The following PRX variants were observed in gnomAD, a reference collection of about 807,000 sequenced individuals.
PRX encodes periaxin.
PRX carries 24 observed loss-of-function variants against 29.6 expected under a neutral mutation model. That is an observed-to-expected ratio of 0.81 (90% CI 0.59 to 1.14). The LOEUF is 1.14. Among genes scored for constraint, PRX ranks in the 50% most tolerant of loss-of-function variants. The pLI is 0.00. For missense variants in PRX, 1,838 were observed against 1,926.4 expected (o/e 0.95, Z 0.86); for synonymous variants, 772 against 831.7 (o/e 0.93, Z 1.24).
At chr19:40,407,278 T>C (rs1283258392) in intron 4 of PRX, among the ~76,000 whole-genome samples, 1 of 150,148 alleles carries the variant, frequency 6.7e-6, no homozygotes, top group African/African-American at 2.5e-5. Context: ...TTTTTTTTTT[T>C]CTTTGTTTTT....
Position 40,399,850 on chromosome 19 carries a change from C to CCTTTCTTTCTTTCTTTCTTTCTTT in PRX, c.185-1058_185-1035dup, listed in dbSNP as rs59315819. 2.8e-3 allele frequency among the ~76,000 whole-genome samples: 332 copies of CCTTTCTTTCTTTCTTTCTTTCTTT among 119,718 alleles called. 2 individuals are homozygous for CCTTTCTTTCTTTCTTTCTTTCTTT. Among genetic ancestry groups the CCTTTCTTTCTTTCTTTCTTTCTTT allele is most frequent in the East Asian group, 9.0e-3 (34 of 3,786 alleles). The allele number at this position is 119,718 out of a possible 152,430, so 78.5% of individuals were successfully genotyped here. On this transcript the variant is annotated intron_variant, in intron 5 of 6. Transcript: ENST00000324001. ...TGAGCCACTACACCCAGCTTTCTTTCCTTTCTTTCTTTCTTTCTTTCTTTC... is the reference window on the plus strand; with the variant it reads ...TGAGCCACTACACCCAGCTTTCTTTCCTTTCTTTCTTTCTTTCTTTCTTTCTTTCTTTCTTTCTTTCTTTCTTTC...
intron 3 of PRX, 53 bp downstream of exon 3, chr19:40,408,105 G>T: frequency 1.2e-6 from 1 of 838,394 alleles, no homozygotes; most frequent in Non-Finnish European, 1.9e-6. Flanking sequence ...CAGGGAGAAA[G>T]CAGGGTGGGT....
rs752060706 is a variant in PRX at position 40,394,187 on chromosome 19, C to T, written c.4165G>A (p.Ala1389Thr). 17 of 1,590,176 alleles carry T rather than the reference C, an allele frequency of 1.1e-5. No individual in the cohort carries two copies. The highest frequency in any genetic ancestry group is 1.5e-5 in the Non-Finnish European group (17 of 1,165,692). The change falls in exon 7 of 7, where the codon GCC becomes ACC. Residue 1389 changes from alanine (A) to threonine (T), a missense_variant. Physicochemically the swap from Ala to Thr is moderately conservative, Grantham distance 58. Coordinates refer to ENST00000324001, the MANE Select transcript of PRX (RefSeq NM_181882.3). This position sits in a 1 kb window ranked among gnomAD's most constrained non-coding sequence, Gnocchi z 5.8. Reference protein sequence around the residue: ...PRVGLAAPSKASRGQEGDAAP... With the variant: ...PRVGLAAPSKTSRGQEGDAAP... ...GCATCGCCCTCCTGCCCCCGAGAGG[C>T]TTTAGAAGGGGCCGCCAGGCCTACA...
In PRX at chr19:40,393,823, A is replaced by G; in HGVS notation, c.*143T>C. The G allele has an allele frequency of 8.0e-7, 1 of 1,247,996 alleles. No individual in the cohort carries two copies. 77.3% of individuals were successfully genotyped at this position (1,247,996 alleles called of 1,614,324 possible). A position where few individuals can be genotyped will look rare whatever the true frequency, so the allele number is the denominator to read the frequency against. On this transcript the variant is annotated 3_prime_UTR_variant, in exon 7 of 7. Coordinates refer to ENST00000324001, the MANE Select transcript of PRX (RefSeq NM_181882.3). Reference sequence around the variant, plus strand: ...GGTGGGGTACAGGCACTCCTGCCAGAGAGACAGGAGCAGGCCTCCCTGCCA... The same window carrying G: ...GGTGGGGTACAGGCACTCCTGCCAGGGAGACAGGAGCAGGCCTCCCTGCCA...
rs761267361 is a variant in PRX, at chr19:40,395,292, C to A, written c.3060G>T (p.Arg1020Ser). 3.1e-6 allele frequency: 5 copies of A among 1,613,642 alleles called. No homozygotes were observed. Among genetic ancestry groups the A allele is most frequent in the Admixed American group, 3.3e-5 (2 of 60,000 alleles). ...TGACCCCAAACTTGGGGAGAGCAAA[C>A]CTGGGCCCCTTGAACTTGAGGTCGG... The part of the protein sequence containing the change: ...AGADLKFKGP[R>S]FALPKFGVRG... The change falls in exon 7 of 7, where the codon AGG becomes AGT. Residue 1020 changes from arginine to serine, a missense_variant. Physicochemically the swap from Arg to Ser is moderately radical, Grantham distance 110. Transcript: ENST00000324001.
chr19:40,401,378 A>G (rs530343956), intron 5 of PRX, among the ~76,000 whole-genome samples: 1 of 152,048 alleles, frequency 6.6e-6, no homozygotes, highest in African/African-American at 2.4e-5. Flanking sequence ...TTGCAGCTTC[A>G]GTCTCCTGGG....
chr19:40,398,390 T>A lies in PRX; in HGVS notation c.381+230A>T, dbSNP rs2079462534. 10 of 1,452,620 alleles carry A rather than the reference T, an allele frequency of 6.9e-6. No individual in the cohort carries two copies. In the South Asian group the frequency reaches 1.5e-4, roughly 21 times the overall value. 90.0% of individuals were successfully genotyped at this position (1,452,620 alleles called of 1,614,324 possible). A position where few individuals can be genotyped will look rare whatever the true frequency, so the allele number is the denominator to read the frequency against. The stretch of plus-strand genomic sequence containing the variant: ...GGACCCCTAGCAAGCCTGGATCCGA[T>A]GGTGGGGACGCCTCTCCGAGGTGGG... On this transcript the variant is annotated intron_variant, in intron 6 of 6. Coordinates refer to ENST00000324001, the MANE Select transcript of PRX (RefSeq NM_181882.3). The surrounding 1 kb of genome is among the most constrained non-coding windows in gnomAD (Gnocchi z 6.3).
intron 1 of PRX, among the ~76,000 whole-genome samples, chr19:40,409,900 C>T (rs978447913): frequency 1.3e-5 from 2 of 152,316 alleles, no homozygotes; most frequent in African/African-American, 4.8e-5. Context: ...ACAGAGGAGA[C>T]ACCTGAGGCT....
In PRX at chr19:40,396,222, C is replaced by T; in HGVS notation, c.2130G>A (p.Gln710=). Residue 710 remains glutamine (Q), a synonymous_variant, in exon 7 of 7, where the codon CAG becomes CAA. Coordinates refer to ENST00000324001, the MANE Select transcript of PRX (RefSeq NM_181882.3). The stretch of plus-strand genomic sequence containing the variant: ...CTTTCATTTCACAGACTTTGGGCAG[C>T]TGCACCTCTGGGAGGTGCACATCGG... ...AVPDVHLPEV[Q]LPKVCEMKVP... 2.5e-6 allele frequency: 4 copies of T among 1,612,906 alleles called. No individual in the cohort carries two copies. Among genetic ancestry groups the T allele is most frequent in the Non-Finnish European group, 3.4e-6 (4 of 1,179,766 alleles).
chr19:40,410,214 A>G (rs969656905), intron 1 of PRX, among the ~76,000 whole-genome samples: 9 of 151,890 alleles, frequency 5.9e-5, no homozygotes, highest in Non-Finnish European at 1.2e-4. Context: ...CTCTCCCCCA[A>G]CCCCCGACTC....
At position 40,403,779 on chromosome 19, in the gene PRX, G is replaced by A; in HGVS notation, c.111C>T (p.Gly37=). The part of the protein sequence containing the change: ...TGVSGINVAG[G]GKEGIFVREL... ...CCCGAACGAAGATTCCCTCTTTGCC[G>A]CCGCCCGCTACGTTGATGCCGCTGA... Residue 37 remains glycine (G), a synonymous_variant, in exon 5 of 7, where the codon GGC becomes GGT. Coordinates refer to ENST00000324001, the MANE Select transcript of PRX (RefSeq NM_181882.3). The A allele has an allele frequency of 1.2e-6, 2 of 1,602,914 alleles. No homozygotes were observed.
At position 40,398,846 on chromosome 19, in the gene PRX, T is replaced by C; in HGVS notation, c.185-30A>G. The C allele has an allele frequency of 6.2e-7, 1 of 1,613,742 alleles. No homozygotes were observed. The highest frequency in any genetic ancestry group is 8.5e-7 in the Non-Finnish European group (1 of 1,179,922). On this transcript the variant is annotated intron_variant, in intron 5 of 6. Transcript: ENST00000324001. This position sits in a 1 kb window ranked among gnomAD's most constrained non-coding sequence, Gnocchi z 6.3. The stretch of plus-strand genomic sequence containing the variant: ...GGGCGAGGTGGAGGTGCGCAGCACG[T>C]GGGCATCTCCCGGCTCCGCCCGGGC...
intron 5 of PRX, among the ~76,000 whole-genome samples, chr19:40,400,196 G>A (rs1455411352): frequency 7.0e-6 from 1 of 142,578 alleles, no homozygotes; most frequent in African/African-American, 2.6e-5. Flanking sequence ...TGGTCAGGCT[G>A]GTCTCGAACT....
intron 5 of PRX, among the ~76,000 whole-genome samples, chr19:40,399,054 C>T (rs180712914): frequency 1.3e-5 from 2 of 152,272 alleles, no homozygotes; most frequent in African/African-American, 4.8e-5. Context: ...TGTCGCTCCC[C>T]TACCCATCCT....
In PRX at chr19:40,398,764, G is replaced by A. The variant is rs376174896; in HGVS notation, c.237C>T (p.Asp79=). Residue 79 remains aspartate, a synonymous_variant, in exon 6 of 7, where the codon GAC becomes GAT. Coordinates refer to ENST00000324001, the MANE Select transcript of PRX (RefSeq NM_181882.3). The surrounding 1 kb of genome is among the most constrained non-coding windows in gnomAD (Gnocchi z 6.3). ...RVFFENFKYE[D]ALRLLQCAEP... ...CGGCGCATTGCAGCAGGCGTAGTGC[G>A]TCCTCGTACTTGAAGTTCTCGAAGA... The A allele has an allele frequency of 3.8e-5, 61 of 1,614,108 alleles. No individual in the cohort carries two copies. Among genetic ancestry groups the A allele is most frequent in the Middle Eastern group, 1.6e-4 (1 of 6,062 alleles).
Position 40,408,814 on chromosome 19 carries a change from G to T in PRX, c.-242-431C>A, listed in dbSNP as rs541892415. On this transcript the variant is annotated intron_variant, in intron 1 of 6. Coordinates refer to ENST00000324001, the MANE Select transcript of PRX (RefSeq NM_181882.3). ...CCCGGCTACGTTTTTGTTGTTGTTG[G>T]TGGTGTGTGTGTGTGTGTGTGTGTG... 8.3e-4 allele frequency among the ~76,000 whole-genome samples: 107 copies of T among 128,704 alleles called. 3 individuals carry two copies. In the South Asian group the frequency reaches 0.021, roughly 25 times the overall value. 84.4% of individuals were successfully genotyped at this position (128,704 alleles called of 152,430 possible). A position where few individuals can be genotyped will look rare whatever the true frequency, so the allele number is the denominator to read the frequency against.
intron 4 of PRX, among the ~76,000 whole-genome samples, chr19:40,405,938 C>CT (rs1276538423): frequency 6.3e-4 from 90 of 143,914 alleles, no homozygotes; most frequent in Middle Eastern, 3.6e-3. Context: ...CGCCCGGCCT[C>CT]TTTTTTTTTT....
chr19:40,396,330 A>G lies in PRX; in HGVS notation c.2022T>C (p.Ala674=), dbSNP rs775461781. Residue 674 remains alanine, a synonymous_variant, in exon 7 of 7, where the codon GCT becomes GCC. Coordinates refer to ENST00000324001, the MANE Select transcript of PRX (RefSeq NM_181882.3). ...CCTCGGGGAGTCGAACCTCTGGCAC[A>G]GCCATCTCAGGCATTTTAGGGAGTT... ...EMKLPKMPEM[A]VPEVRLPEVQ... 5.0e-6 allele frequency: 8 copies of G among 1,608,366 alleles called. No individual in the cohort carries two copies. Among genetic ancestry groups the G allele is most frequent in the South Asian group, 1.1e-5 (1 of 90,918 alleles).
Position 40,397,490 on chromosome 19 carries a change from C to T in PRX, c.862G>A (p.Val288Met), listed in dbSNP as rs568618329. ...TCCACCTGGGGGACCTGGATTCCCA[C>T]GGCTGGGGCCTCCACAGCAGGCGGA... ...PAPPAVEAPA[V>M]GIQVPQVELP... Residue 288 changes from valine to methionine, a missense_variant, in exon 7 of 7, where the codon GTG becomes ATG. Coordinates refer to ENST00000324001, the MANE Select transcript of PRX (RefSeq NM_181882.3). 57 of 1,560,324 alleles carry T rather than the reference C, an allele frequency of 3.7e-5. No individual in the cohort carries two copies. The highest frequency in any genetic ancestry group is 2.0e-4 in the African/African-American group (15 of 73,558).
Sources: allele counts gnomAD v4.1 joint callset (sites outside exome capture counted in the v4.1 genomes callset), GRCh38; gene constraint gnomAD v4.1.1; non-coding constraint Gnocchi (gnomAD v3.1); transcripts MANE v1.5; gene names NCBI Gene and HGNC (gene_info 2026-07-23, HGNC 2026-07-21).